The following SMIM31 variants were observed in gnomAD, a reference collection of about 807,000 sequenced individuals.
SMIM31 encodes the protein small integral membrane protein 31.
chr4:164,769,187 T>C (rs1732760273), intron 1 of SMIM31, among the ~76,000 whole-genome samples: 1 of 152,254 alleles, frequency 6.6e-6, no homozygotes, highest in Non-Finnish European at 1.5e-5. Flanking sequence ...CACTCTGAGT[T>C]TTTTCCAGTT....
intron 1 of SMIM31, among the ~76,000 whole-genome samples, chr4:164,759,188 G>A (rs1732613439): frequency 6.6e-6 from 1 of 152,032 alleles, no homozygotes; most frequent in Non-Finnish European, 1.5e-5. Flanking sequence ...TTTTTGTAAT[G>A]TCTGCCAGTT....
chr4:164,772,938 G>A (rs1381591768), intron 2 of SMIM31, among the ~76,000 whole-genome samples: 1 of 144,324 alleles, frequency 6.9e-6, no homozygotes. Flanking sequence ...AGAGCCAGAA[G>A]TTAATCTCCA....
At chr4:164,775,263 C>T (rs779089456) in intron 2 of SMIM31, among the ~76,000 whole-genome samples, 1 of 152,184 alleles carries the variant, frequency 6.6e-6, no homozygotes, top group Non-Finnish European at 1.5e-5. Flanking sequence ...TGAAGACTCC[C>T]TTGTTTACCT....
intron 2 of SMIM31, among the ~76,000 whole-genome samples, chr4:164,784,734 T>A (rs1733004221): frequency 6.6e-6 from 1 of 152,140 alleles, no homozygotes; most frequent in African/African-American, 2.4e-5. Context: ...TACAGAATCA[T>A]CTCAAGGAGT....
In SMIM31 at chr4:164,783,217, CAAA is replaced by C. The variant is rs753365487; in HGVS notation, c.112+12675_112+12677del. Among the ~76,000 whole-genome samples the C allele has an allele frequency of 1.2e-3, 39 of 32,850 alleles. 2 individuals are homozygous for C. Among genetic ancestry groups the C allele is most frequent in the Non-Finnish European group, 2.4e-3 (32 of 13,162 alleles). The allele number at this position is 32,850 out of a possible 152,430, so 21.6% of individuals were successfully genotyped here. On this transcript the variant is annotated intron_variant, in intron 2 of 2. Coordinates refer to ENST00000507311, the MANE Select transcript of SMIM31 (RefSeq NM_001352885.1). ...TGGGCAACATAGCAAGACTCTGTCTCAAAAAAAAAAAAAAAGGAATTTCTGGCC... is the reference window on the plus strand; with the variant it reads ...TGGGCAACATAGCAAGACTCTGTCTCAAAAAAAAAAAAGGAATTTCTGGCC...
chr4:164,762,587 C>T (rs1229845101), intron 1 of SMIM31, among the ~76,000 whole-genome samples: 3 of 146,010 alleles, frequency 2.1e-5, no homozygotes, highest in African/African-American at 7.8e-5. Context: ...ATTTTGAACC[C>T]AGGAAGCAGA....
intron 2 of SMIM31, among the ~76,000 whole-genome samples, chr4:164,798,661 T>C (rs1267158110): frequency 3.3e-5 from 5 of 152,184 alleles, no homozygotes; most frequent in African/African-American, 9.7e-5. Flanking sequence ...GATGGTATAA[T>C]TCCATTTAAG....
intron 1 of SMIM31, among the ~76,000 whole-genome samples, chr4:164,757,950 A>G (rs28883093): frequency 0.024 from 3,614 of 150,252 alleles, 125 homozygotes; most frequent in African/African-American, 0.081. Flanking sequence ...AAAAAGCATG[A>G]TAAGATTATG....
chr4:164,757,319 T>C (rs1732577901), intron 1 of SMIM31, among the ~76,000 whole-genome samples: 3 of 152,224 alleles, frequency 2.0e-5, no homozygotes. Context: ...TGATACAAGT[T>C]CTTCGTCAAA....
intron 2 of SMIM31, among the ~76,000 whole-genome samples, chr4:164,785,076 G>A (rs28715121): frequency 0.61 from 92,441 of 150,966 alleles, 29,379 homozygotes; most frequent in African/African-American, 0.78. Context: ...ATACAAAAAA[G>A]TTAGCCGGGT....
intron 2 of SMIM31, among the ~76,000 whole-genome samples, chr4:164,794,066 G>T (rs1424638207): frequency 6.6e-6 from 1 of 152,074 alleles, no homozygotes; most frequent in Non-Finnish European, 1.5e-5. Flanking sequence ...TGCATTGAAA[G>T]CCACAATCAA....
Position 164,791,100 on chromosome 4 carries a change from A to G in SMIM31, c.113-9991A>G, listed in dbSNP as rs148867366. Among the ~76,000 whole-genome samples, 609 of 152,278 alleles carry G rather than the reference A, an allele frequency of 4.0e-3. 8 individuals are homozygous for G. Among genetic ancestry groups the G allele is most frequent in the South Asian group, 0.026 (125 of 4,826 alleles). On this transcript the variant is annotated intron_variant, in intron 2 of 2. Transcript: ENST00000507311. ...TAGTCACTTTCAAGATTTTTTTTCCAGATCACAGATATAACTTCTATCCTC... is the reference window on the plus strand; with the variant it reads ...TAGTCACTTTCAAGATTTTTTTTCCGGATCACAGATATAACTTCTATCCTC...
chr4:164,770,722 A>G (rs964354986), intron 2 of SMIM31, among the ~76,000 whole-genome samples, 167 bp downstream of exon 2: 4 of 152,188 alleles, frequency 2.6e-5, no homozygotes, highest in Non-Finnish European at 1.5e-5. Flanking sequence ...ATTCAACTAT[A>G]TATAGAAAGG....
intron 1 of SMIM31, among the ~76,000 whole-genome samples, chr4:164,758,151 AAATAT>A (rs1732591705): frequency 6.6e-6 from 1 of 152,040 alleles, no homozygotes; most frequent in Admixed American, 6.5e-5. Flanking sequence ...ATTCTATTTA[AAATAT>A]AATTATTATG....
chr4:164,795,201 A>G (rs1733173330), intron 2 of SMIM31, among the ~76,000 whole-genome samples: 1 of 152,216 alleles, frequency 6.6e-6, no homozygotes, highest in Non-Finnish European at 1.5e-5. Flanking sequence ...GACTCCTTGG[A>G]TAAATTAGCT....
chr4:164,797,488 G>C (rs1404942609), intron 2 of SMIM31, among the ~76,000 whole-genome samples: 1 of 127,914 alleles, frequency 7.8e-6, no homozygotes, highest in Non-Finnish European at 1.6e-5. Context: ...TTTTGAGACA[G>C]AGTCTCACTC....
rs534713277 is a variant in SMIM31, at chr4:164,794,306, G to A, written c.113-6785G>A. Among the ~76,000 whole-genome samples the A allele has an allele frequency of 2.0e-5, 3 of 152,188 alleles. No individual in the cohort carries two copies. The East Asian group carries it at 5.8e-4, about 30-fold the overall frequency. On this transcript the variant is annotated intron_variant, in intron 2 of 2. Coordinates refer to ENST00000507311, the MANE Select transcript of SMIM31 (RefSeq NM_001352885.1). The stretch of plus-strand genomic sequence containing the variant: ...AAGTGGGAGGATCACTTCAGCCCAG[G>A]AGGTTGAGCCTTCAGTGAGCCATGA...
chr4:164,759,948 G>A (rs1454818430), intron 1 of SMIM31, among the ~76,000 whole-genome samples: 1 of 152,210 alleles, frequency 6.6e-6, no homozygotes, highest in Non-Finnish European at 1.5e-5. Context: ...AGACCACACT[G>A]AGAAAGTAAC....
At chr4:164,797,768 T>C (rs1016514094) in intron 2 of SMIM31, among the ~76,000 whole-genome samples, 3 of 152,020 alleles carry the variant, frequency 2.0e-5, no homozygotes, top group African/African-American at 7.2e-5. Context: ...TGGCCTAAAG[T>C]GCAAATTTCT....
Sources: gnomAD v4.1 joint callset for allele counts (sites outside exome capture counted in the v4.1 genomes callset) on GRCh38, gnomAD v4.1.1 for gene constraint, MANE v1.5 for transcripts, NCBI Gene and HGNC (gene_info 2026-07-23, HGNC 2026-07-21) for gene names.